MAP7D2: variants seen among roughly 807,000 people sequenced by gnomAD.
The protein encoded by MAP7D2 is MAP7 domain-containing protein 2.
MAP7D2 carries 33 observed loss-of-function variants against 63.5 expected under a neutral mutation model. That is an observed-to-expected ratio of 0.52 (90% CI 0.39 to 0.70). The LOEUF is 0.70. Ranked by LOEUF, MAP7D2 falls within the 30% of genes least tolerant of loss-of-function variation. The pLI is 0.00. For synonymous variants in MAP7D2, 224 were observed against 223.7 expected, an observed-to-expected ratio of 1.00 and a Z score of -0.01; for missense variants, 626 against 604.0, an observed-to-expected ratio of 1.04 and a Z score of -0.38.
chrX:20,096,257 T>C (rs1351059734), intron 1 of MAP7D2, among the ~76,000 whole-genome samples: 2 of 99,192 alleles, frequency 2.0e-5, no homozygotes, highest in Admixed American at 2.3e-4. Flanking sequence ...GGAGACCCTG[T>C]CCTTTTTTTT....
At chrX:20,023,939 A>G (rs1206675611) in intron 10 of MAP7D2, among the ~76,000 whole-genome samples, 2 of 112,419 alleles carry the variant, frequency 1.8e-5, no homozygotes, top group East Asian at 5.6e-4. Flanking sequence ...GGGACTGTCG[A>G]GACCTACCCC....
At chrX:20,019,157 C>A (rs754264152) in intron 10 of MAP7D2, among the ~76,000 whole-genome samples, 275 of 111,075 alleles carry the variant, frequency 2.5e-3, no homozygotes, top group Non-Finnish European at 3.7e-3. Context: ...TCCCAAGTAG[C>A]CAGGACCACG....
chrX:20,042,677 A>G, intron 7 of MAP7D2, 48 bp from the exon 8 acceptor site: 1 of 1,192,951 alleles, frequency 8.4e-7, no homozygotes, highest in Non-Finnish European at 1.1e-6. Context: ...CACTACTTCC[A>G]CAATTTATAA....
At chrX:20,098,883 A>G (rs1193983259) in intron 1 of MAP7D2, among the ~76,000 whole-genome samples, 1 of 112,649 alleles carries the variant, frequency 8.9e-6, no homozygotes, top group Non-Finnish European at 1.9e-5. Context: ...AGAAGTCAGC[A>G]GCACTCCATA....
At chrX:20,048,184 G>A (rs1020249300) in intron 6 of MAP7D2, among the ~76,000 whole-genome samples, 4 of 111,900 alleles carry the variant, frequency 3.6e-5, no homozygotes, top group Admixed American at 9.5e-5. Flanking sequence ...GGCTCACAGG[G>A]CATAAACAAA....
intron 1 of MAP7D2, among the ~76,000 whole-genome samples, chrX:20,114,648 ATTTCC>A (rs1453366321): frequency 8.9e-6 from 1 of 112,297 alleles, no homozygotes; most frequent in Non-Finnish European, 1.9e-5. Flanking sequence ...CACCAGCGGT[ATTTCC>A]TTTCCGTCTT....
Position 20,050,920 on chromosome X carries a change from C to T in MAP7D2, c.622G>A (p.Glu208Lys). 1 of 1,167,822 alleles carries T rather than the reference C, an allele frequency of 8.6e-7. No individual in the cohort carries two copies. Among genetic ancestry groups the T allele is most frequent in the Non-Finnish European group, 1.1e-6 (1 of 873,609 alleles). Residue 208 changes from glutamate (E) to lysine (K), a missense_variant, in exon 6 of 17, where the codon GAA becomes AAA. Glu to Lys is a moderately conservative substitution (Grantham distance 56, BLOSUM62 1). Transcript: ENST00000379643. ...RAHHMHLSPM[E>K]AILVSRLLTP... Reference sequence around the variant, plus strand: ...AACAGTCGCGAAACAAGAATGGCTTCCATTGGACTAAGGTGCATGTGATGA... The same window carrying T: ...AACAGTCGCGAAACAAGAATGGCTTTCATTGGACTAAGGTGCATGTGATGA...
chrX:20,039,974 G>C (rs753653733), intron 8 of MAP7D2, among the ~76,000 whole-genome samples: 8 of 100,237 alleles, frequency 8.0e-5, no homozygotes, highest in South Asian at 1.0e-3. Context: ...ACTCCAGCCT[G>C]GTGACAGAGC....
intron 8 of MAP7D2, among the ~76,000 whole-genome samples, chrX:20,029,043 G>A (rs1297796114): frequency 8.9e-6 from 1 of 112,076 alleles, no homozygotes; most frequent in Non-Finnish European, 1.9e-5. Context: ...AAGCTGCTGG[G>A]TGTGCACAAC....
At chrX:20,014,284 C>T (rs778558161) in intron 12 of MAP7D2, among the ~76,000 whole-genome samples, 35 of 112,311 alleles carry the variant, frequency 3.1e-4, no homozygotes, top group African/African-American at 1.0e-3. Flanking sequence ...AAAGGGCTGT[C>T]AGGCCAAGCA....
intron 1 of MAP7D2, among the ~76,000 whole-genome samples, chrX:20,092,675 A>G (rs1332018446): frequency 8.9e-6 from 1 of 111,983 alleles, no homozygotes; most frequent in Non-Finnish European, 1.9e-5. Flanking sequence ...TAAAATGTGT[A>G]TGCCTTTTCT....
chrX:20,008,822 G>C (rs1025621528), intron 16 of MAP7D2, among the ~76,000 whole-genome samples: 1 of 111,494 alleles, frequency 9.0e-6, no homozygotes, highest in Non-Finnish European at 1.9e-5. Context: ...AAAATAATTT[G>C]AGATTTTTCT....
chrX:20,010,651 T>A, intron 16 of MAP7D2, 126 bp downstream of exon 16: 1 of 528,372 alleles, frequency 1.9e-6, no homozygotes, highest in South Asian at 3.2e-5. Context: ...TAGTATACCA[T>A]AATATATTCA....
intron 1 of MAP7D2, among the ~76,000 whole-genome samples, chrX:20,113,039 C>T (rs763476437): frequency 8.9e-6 from 1 of 111,881 alleles, no homozygotes; most frequent in Admixed American, 9.5e-5. Flanking sequence ...AGCTATGTCA[C>T]CATGGCTAGG....
intron 10 of MAP7D2, chrX:20,017,209 A>T (rs1027854854): frequency 2.6e-5 from 3 of 114,155 alleles, no homozygotes; most frequent in Non-Finnish European, 5.6e-5. Context: ...ATGCCCATTT[A>T]AAAAATGGGA....
intron 3 of MAP7D2, among the ~76,000 whole-genome samples, chrX:20,059,644 A>G (rs868147101): frequency 3.1e-5 from 3 of 96,190 alleles, no homozygotes; most frequent in African/African-American, 8.2e-5. Flanking sequence ...GGAAGGAAGG[A>G]AGGAAGGAAG....
At chrX:20,058,899 G>A (rs772295261) in intron 3 of MAP7D2, among the ~76,000 whole-genome samples, 5 of 112,051 alleles carry the variant, frequency 4.5e-5, no homozygotes, top group Non-Finnish European at 9.4e-5. Context: ...GTATTGCCTC[G>A]TGTTTGTGTG....
intron 1 of MAP7D2, among the ~76,000 whole-genome samples, chrX:20,105,324 T>C (rs756092080): frequency 1.1e-4 from 12 of 111,278 alleles, no homozygotes; most frequent in African/African-American, 3.9e-4. Flanking sequence ...ACTGGTTGAG[T>C]TGCTAAACCA....
At chrX:20,089,124 C>G (rs1304827262) in intron 1 of MAP7D2, among the ~76,000 whole-genome samples, 1 of 111,907 alleles carries the variant, frequency 8.9e-6, no homozygotes, top group South Asian at 3.7e-4. Flanking sequence ...TTAGGTTTAG[C>G]TCTATTTTGG....
Sources: allele counts gnomAD v4.1 joint callset (sites outside exome capture counted in the v4.1 genomes callset), GRCh38; gene constraint gnomAD v4.1.1; transcripts MANE v1.5; gene names NCBI Gene and HGNC (gene_info 2026-07-23, HGNC 2026-07-21).